Variants in FBN2 observed in about 807,000 individuals in gnomAD.
FBN2 encodes the protein fibrillin-2.
Under a neutral mutation model 355.6 loss-of-function variants are expected in FBN2, and 105 were observed. The observed-to-expected ratio is 0.30, with a 90% CI of 0.25 to 0.35. The LOEUF (loss-of-function observed/expected upper bound fraction) is 0.35. FBN2 is among the 10% of genes least tolerant of loss of function. The probability of loss-of-function intolerance (pLI) is 1.00; values close to 1 mark genes in which losing one functional copy is unlikely to be tolerated. For missense variants in FBN2, 3,280 were observed against 3,758.7 expected, an observed-to-expected ratio of 0.87 and a Z score of 3.33; for synonymous variants, 1,350 against 1,301.2, an observed-to-expected ratio of 1.04 and a Z score of -0.81.
At chr5:128,519,423 T>C (rs2112787773) in intron 4 of FBN2, 55 bp from the exon 5 acceptor site, 3 of 1,304,302 alleles carry the variant, frequency 2.3e-6, no homozygotes, top group Non-Finnish European at 3.3e-6. Flanking sequence ...AAGCACAATA[T>C]AGTAGTGCAG....
chr5:128,340,410 A>G (rs916077204), intron 25 of FBN2, among the ~76,000 whole-genome samples: 1 of 152,220 alleles, frequency 6.6e-6, no homozygotes, highest in African/African-American at 2.4e-5. Context: ...CCATGTGAAA[A>G]AAATGTAAAT....
At chr5:128,367,085 A>T (rs115162801) in intron 16 of FBN2, among the ~76,000 whole-genome samples, 1,630 of 152,252 alleles carry the variant, frequency 0.011, 6 homozygotes, top group Non-Finnish European at 0.013. Context: ...CTTACTGGTG[A>T]AATTAGGTTT....
At chr5:128,261,708 G>C in intron 64 of FBN2, 28 bp downstream of exon 64, 1 of 1,611,840 alleles carries the variant, frequency 6.2e-7, no homozygotes, top group South Asian at 1.1e-5. Context: ...ATAAAATTTT[G>C]TGGCAACACA....
intron 3 of FBN2, among the ~76,000 whole-genome samples, chr5:128,529,306 T>C (rs1756646170): frequency 6.6e-6 from 1 of 151,716 alleles, no homozygotes; most frequent in Non-Finnish European, 1.5e-5. Flanking sequence ...GATGAAGACA[T>C]AGAAAAGAGA....
intron 48 of FBN2, among the ~76,000 whole-genome samples, chr5:128,296,896 C>G (rs1474605571): frequency 6.6e-6 from 1 of 151,882 alleles, no homozygotes; most frequent in East Asian, 1.9e-4. Flanking sequence ...AATGTGTTTG[C>G]TCTTGCTTTT....
At chr5:128,299,547 G>A (rs868141547) in intron 48 of FBN2, among the ~76,000 whole-genome samples, 8 of 152,062 alleles carry the variant, frequency 5.3e-5, no homozygotes, top group Non-Finnish European at 7.4e-5. Context: ...TAAGCCCGTC[G>A]GAAAACCGCA....
At chr5:128,261,951 T>C (rs1429988603) in intron 63 of FBN2, 44 bp from the exon 64 acceptor site, 1 of 1,550,508 alleles carries the variant, frequency 6.4e-7, no homozygotes, top group African/African-American at 1.4e-5. Context: ...ATCACTGACT[T>C]GACCATAGTT....
At position 128,354,839 on chromosome 5, in the gene FBN2, A is replaced by G. The variant is rs1751459577; in HGVS notation, c.2674+2437T>C. On this transcript the variant is annotated intron_variant, in intron 20 of 64. Coordinates refer to ENST00000262464, the MANE Select transcript of FBN2 (RefSeq NM_001999.4). Reference sequence around the variant, plus strand: ...ATTTGGTTTTAGACATGGGAATTTGAGATATCGATGAGCCATCCAAGTGGA... The same window carrying G: ...ATTTGGTTTTAGACATGGGAATTTGGGATATCGATGAGCCATCCAAGTGGA... Among the ~76,000 whole-genome samples, 3 of 152,232 alleles carry G rather than the reference A, an allele frequency of 2.0e-5. No individual in the cohort carries two copies. The South Asian group carries it at 6.2e-4, about 32-fold the overall frequency.
Position 128,537,570 on chromosome 5 carries a change from A to G in FBN2, c.34T>C (p.Tyr12His). The G allele has an allele frequency of 6.2e-7, 1 of 1,606,118 alleles. No individual in the cohort carries two copies. The highest frequency in any genetic ancestry group is 1.1e-5 in the South Asian group (1 of 90,138). ...ACCACACAGCCCAGCCACAGGAAGT[A>G]GAGCTGGAGACACAGCCTCCGTCTT... is the stretch of plus-strand genomic sequence containing the variant. ...GRRRRLCLQL[Y>H]FLWLGCVVLW... The change falls in exon 1 of 65, where the codon TAC becomes CAC. Residue 12 changes from tyrosine (Y) to histidine (H), a missense_variant. Tyr to His is a moderately conservative substitution (Grantham distance 83). Transcript: ENST00000262464.
intron 23 of FBN2, among the ~76,000 whole-genome samples, chr5:128,347,569 G>A (rs1009141214): frequency 6.6e-6 from 1 of 152,190 alleles, no homozygotes; most frequent in Admixed American, 6.5e-5. Context: ...ATCTGAGTTT[G>A]GGATCCCTGA....
chr5:128,427,337 GAAT>G (rs1264607378), intron 7 of FBN2, among the ~76,000 whole-genome samples: 3 of 151,924 alleles, frequency 2.0e-5, no homozygotes, highest in Non-Finnish European at 4.4e-5. Context: ...AAGGAAGTTA[GAAT>G]AATGAGATTT....
At chr5:128,295,783 C>G (rs1213902963) in intron 48 of FBN2, among the ~76,000 whole-genome samples, 1 of 136,220 alleles carries the variant, frequency 7.3e-6, no homozygotes, top group South Asian at 2.6e-4. Context: ...CGTCTGCAAA[C>G]AGGGACAATT....
chr5:128,289,317 T>C, intron 51 of FBN2, 65 bp from the exon 52 acceptor site: 3 of 1,566,532 alleles, frequency 1.9e-6, no homozygotes, highest in Non-Finnish European at 2.6e-6. Context: ...GCGCAGTGGC[T>C]CATGCTTATA....
At chr5:128,466,644 A>T (rs1754720471) in intron 5 of FBN2, among the ~76,000 whole-genome samples, 1 of 152,214 alleles carries the variant, frequency 6.6e-6, no homozygotes, top group South Asian at 2.1e-4. Context: ...AATATTAAGA[A>T]ACAAAATCGA....
At chr5:128,424,899 T>C (rs779707968) in intron 7 of FBN2, among the ~76,000 whole-genome samples, 1 of 152,206 alleles carries the variant, frequency 6.6e-6, no homozygotes. Context: ...TAAAAGTTAC[T>C]GATAACATAG....
chr5:128,365,477 G>A (rs1751742994), intron 17 of FBN2: 2 of 151,900 alleles, frequency 1.3e-5, no homozygotes, highest in Admixed American at 1.3e-4. Context: ...CAATAATTTG[G>A]GAGACCTTAA....
At position 128,290,888 on chromosome 5, in the gene FBN2, A is replaced by C; in HGVS notation, c.6293-4T>G. The C allele has an allele frequency of 6.2e-7, 1 of 1,613,574 alleles. No individual in the cohort carries two copies. Among genetic ancestry groups the C allele is most frequent in the East Asian group, 2.2e-5 (1 of 44,872 alleles). ...AAGCAGAAGCTCTGGCGAGTATCTA[A>C]TCAAAAAAGCAAACATTACAGATGG... On this transcript the variant is annotated splice_polypyrimidine_tract_variant and splice_region_variant and intron_variant, in intron 49 of 64. Coordinates refer to ENST00000262464, the MANE Select transcript of FBN2 (RefSeq NM_001999.4).
chr5:128,508,741 A>G (rs778938081), intron 5 of FBN2, among the ~76,000 whole-genome samples: 4 of 152,054 alleles, frequency 2.6e-5, no homozygotes, highest in Non-Finnish European at 5.9e-5. Flanking sequence ...TCTTCAGCCT[A>G]AAGAACTGCC....
intron 2 of FBN2, among the ~76,000 whole-genome samples, chr5:128,532,401 T>G (rs34952159): frequency 0.19 from 29,188 of 152,160 alleles, 2,933 homozygotes; most frequent in Non-Finnish European, 0.23. Context: ...TACTCCACAC[T>G]TGTAGCCAAG....
Sources: gnomAD v4.1 joint callset for allele counts (sites outside exome capture counted in the v4.1 genomes callset) on GRCh38, gnomAD v4.1.1 for gene constraint, MANE v1.5 for transcripts, NCBI Gene and HGNC (gene_info 2026-07-23, HGNC 2026-07-21) for gene names.